The following PDE10A variants were observed in gnomAD, a reference collection of about 807,000 sequenced individuals.
PDE10A encodes the protein phosphodiesterase 10A.
In PDE10A, 39 loss-of-function variants were observed where a neutral mutation model predicts 97.7. The ratio of observed to expected loss-of-function variants is 0.40; its 90% CI spans 0.31 to 0.52. The LOEUF (loss-of-function observed/expected upper bound fraction) is 0.52. Ranked by LOEUF, PDE10A falls within the 20% of genes least tolerant of loss-of-function variation. PDE10A has a pLI of 0.56. For synonymous variants in PDE10A, 371 were observed against 376.8 expected, an observed-to-expected ratio of 0.98 and a Z score of 0.18; for missense variants, 731 against 1,047.8, an observed-to-expected ratio of 0.70 and a Z score of 4.17.
chr6:165,386,907 T>C (rs964078569), intron 17 of PDE10A, among the ~76,000 whole-genome samples: 2 of 151,228 alleles, frequency 1.3e-5, no homozygotes, highest in African/African-American at 4.9e-5. Context: ...TTCCAGCTAC[T>C]TGGGAGGCTG....
At chr6:165,448,482 A>T (rs371739419) in intron 5 of PDE10A, among the ~76,000 whole-genome samples, 1 of 152,152 alleles carries the variant, frequency 6.6e-6, no homozygotes, top group African/African-American at 2.4e-5. Flanking sequence ...AGGGATCTAG[A>T]CACAAAGCCC....
chr6:165,534,901 C>A (rs1457929035), intron 2 of PDE10A, among the ~76,000 whole-genome samples: 2 of 152,000 alleles, frequency 1.3e-5, no homozygotes, highest in Non-Finnish European at 2.9e-5. Flanking sequence ...AAGATGCCTG[C>A]TTTCACAACT....
intron 1 of PDE10A, among the ~76,000 whole-genome samples, chr6:165,940,935 A>AT (rs1171533531): frequency 6.6e-6 from 1 of 152,184 alleles, no homozygotes; most frequent in Admixed American, 6.5e-5. Flanking sequence ...AAATTGTTTC[A>AT]TCTCCATAGT....
chr6:165,939,264 T>C lies in PDE10A; in HGVS notation c.-615+48265A>G, dbSNP rs188751382. ...GCGTTCAGATAGCAAGTGCAGATGG[T>C]GAAATTGTATAGGGCGAGGGGCACC... On this transcript the variant is annotated intron_variant, in intron 1 of 19. Coordinates refer to the PDE10A transcript ENST00000366882. Among the ~76,000 whole-genome samples the C allele has an allele frequency of 5.9e-5, 9 of 152,326 alleles. No homozygotes were observed. The East Asian group carries it at 1.7e-3, about 29-fold the overall frequency.
chr6:165,357,251 T>C (rs978998610), intron 18 of PDE10A, among the ~76,000 whole-genome samples: 4 of 152,190 alleles, frequency 2.6e-5, no homozygotes, highest in African/African-American at 9.6e-5. Context: ...TTATATGTGA[T>C]TGAACATGTT....
At chr6:165,981,855 T>C (rs1002689849) in intron 1 of PDE10A, among the ~76,000 whole-genome samples, 5 of 152,250 alleles carry the variant, frequency 3.3e-5, no homozygotes, top group Admixed American at 3.3e-4. Context: ...TTTTGTAAGC[T>C]ATTTTAGAGA....
At chr6:165,762,511 T>C (rs1231769634) in intron 1 of PDE10A, among the ~76,000 whole-genome samples, 1 of 150,032 alleles carries the variant, frequency 6.7e-6, no homozygotes, top group African/African-American at 2.5e-5. Flanking sequence ...AGCCAGATGG[T>C]AGTGGGCAAG....
intron 13 of PDE10A, among the ~76,000 whole-genome samples, chr6:165,412,814 T>A (rs1223089959): frequency 6.6e-6 from 1 of 152,150 alleles, no homozygotes; most frequent in Non-Finnish European, 1.5e-5. Flanking sequence ...TATGAAAAGA[T>A]CACCATACTA....
intron 1 of PDE10A, among the ~76,000 whole-genome samples, chr6:165,764,643 G>A (rs929414183): frequency 9.2e-5 from 14 of 152,078 alleles, no homozygotes; most frequent in South Asian, 2.1e-4. Flanking sequence ...AAGGCGACGC[G>A]TCTGGAGTTG....
At chr6:165,590,715 C>A (rs907882128) in intron 1 of PDE10A, among the ~76,000 whole-genome samples, 12 of 152,044 alleles carry the variant, frequency 7.9e-5, no homozygotes, top group African/African-American at 2.9e-4. Context: ...CACGGTGAAA[C>A]CCCGTCTCTA....
chr6:165,538,516 G>T (rs541597509), intron 2 of PDE10A, among the ~76,000 whole-genome samples: 1 of 152,112 alleles, frequency 6.6e-6, no homozygotes, highest in Non-Finnish European at 1.5e-5. Flanking sequence ...TTACATTTGA[G>T]GTTTTTAAGA....
At chr6:165,820,264 T>G (rs1243630940) in intron 1 of PDE10A, among the ~76,000 whole-genome samples, 1 of 152,256 alleles carries the variant, frequency 6.6e-6, no homozygotes, top group Non-Finnish European at 1.5e-5. Flanking sequence ...TTTTCAGTTT[T>G]GCTTATTCAT....
At chr6:165,949,830 T>C (rs1005945654) in intron 1 of PDE10A, 1 of 152,302 alleles carries the variant, frequency 6.6e-6, no homozygotes, top group Middle Eastern at 3.4e-3. Context: ...CATCCAAAGA[T>C]GAATAAAATG....
chr6:165,928,063 A>G (rs1254220238), intron 1 of PDE10A, among the ~76,000 whole-genome samples: 2 of 150,754 alleles, frequency 1.3e-5, no homozygotes, highest in African/African-American at 4.9e-5. Context: ...TTTATATGTA[A>G]TTAAACATAT....
At chr6:165,619,514 C>CTAGTGTAGTCTAGTGTACTG (rs1787993258) in intron 1 of PDE10A, among the ~76,000 whole-genome samples, 2 of 14,898 alleles carry the variant, frequency 1.3e-4, no homozygotes, top group South Asian at 1.8e-3. Flanking sequence ...GTAGTGTAGT[C>CTAGTGTAGTCTAGTGTACTG]TAGTGTAGTG....
At chr6:165,752,146 A>C (rs1370198361) in intron 1 of PDE10A, among the ~76,000 whole-genome samples, 2 of 151,718 alleles carry the variant, frequency 1.3e-5, no homozygotes, top group Non-Finnish European at 2.9e-5. Flanking sequence ...AAAAAAAAAA[A>C]AAAAAAAAGT....
intron 1 of PDE10A, among the ~76,000 whole-genome samples, chr6:165,723,683 C>T (rs1051199676): frequency 1.3e-5 from 2 of 152,118 alleles, no homozygotes; most frequent in Non-Finnish European, 2.9e-5. Flanking sequence ...TGAATAACAC[C>T]CAGCCTTTTC....
chr6:165,773,626 G>T (rs530831398), intron 1 of PDE10A, among the ~76,000 whole-genome samples: 1 of 152,092 alleles, frequency 6.6e-6, no homozygotes, highest in African/African-American at 2.4e-5. Flanking sequence ...TGACTCAAGC[G>T]CATGCAATAA....
intron 1 of PDE10A, among the ~76,000 whole-genome samples, chr6:165,840,248 C>A (rs536515291): frequency 2.0e-5 from 3 of 152,280 alleles, no homozygotes; most frequent in African/African-American, 7.2e-5. Context: ...TCCCCAGCTC[C>A]ATCCTTATCT....
Sources: gnomAD v4.1 joint callset for allele counts (sites outside exome capture counted in the v4.1 genomes callset) on GRCh38, gnomAD v4.1.1 for gene constraint, MANE v1.5 for transcripts, NCBI Gene and HGNC (gene_info 2026-07-23, HGNC 2026-07-21) for gene names.